The following FGD6 variants were observed in gnomAD, a reference collection of about 807,000 sequenced individuals.
The protein encoded by FGD6 is FYVE, RhoGEF and PH domain containing 6.
A neutral mutation model predicts 149.4 loss-of-function variants in FGD6; 90 were observed. The observed-to-expected ratio is 0.60, with a 90% CI of 0.51 to 0.72. FGD6 has a LOEUF of 0.72. Ranked by LOEUF, FGD6 falls within the 30% of genes least tolerant of loss-of-function variation. The probability of loss-of-function intolerance (pLI) is 0.00; values close to 1 mark genes in which losing one functional copy is unlikely to be tolerated. For missense variants in FGD6, 1,437 were observed against 1,684.8 expected (o/e 0.85, Z 2.57); for synonymous variants, 527 against 584.0 (o/e 0.90, Z 1.41).
chr12:95,139,779 G>C (rs1315894514), intron 6 of FGD6, among the ~76,000 whole-genome samples: 1 of 151,630 alleles, frequency 6.6e-6, no homozygotes, highest in Non-Finnish European at 1.5e-5. Context: ...TGGGATTACA[G>C]GCATCTGCCA....
At chr12:95,194,116 A>G (rs928073568) in intron 2 of FGD6, among the ~76,000 whole-genome samples, 15 of 151,502 alleles carry the variant, frequency 9.9e-5, no homozygotes, top group African/African-American at 3.4e-4. Flanking sequence ...GTAGAGATGG[A>G]GTCTCGCCAA....
chr12:95,095,814 G>A (rs904332565), intron 14 of FGD6, among the ~76,000 whole-genome samples: 7 of 152,146 alleles, frequency 4.6e-5, no homozygotes, highest in Non-Finnish European at 8.8e-5. Flanking sequence ...AGGAGTTCGA[G>A]ACCAGCATGG....
intron 14 of FGD6, among the ~76,000 whole-genome samples, chr12:95,096,628 T>C (rs1462465342): frequency 6.6e-6 from 1 of 152,192 alleles, no homozygotes; most frequent in Non-Finnish European, 1.5e-5. Flanking sequence ...AGCTTCCCCA[T>C]GGAATACACA....
intron 18 of FGD6, among the ~76,000 whole-genome samples, chr12:95,088,054 T>C (rs1350796066): frequency 1.3e-5 from 2 of 152,216 alleles, no homozygotes; most frequent in Non-Finnish European, 2.9e-5. Context: ...TCAAAATATA[T>C]TACATTTCTC....
intron 11 of FGD6, 81 bp downstream of exon 11, chr12:95,108,267 T>C (rs964910586): frequency 1.2e-5 from 16 of 1,288,800 alleles, no homozygotes; most frequent in Non-Finnish European, 5.4e-6. Context: ...AAACAACCTA[T>C]TTTTATAAAA....
chr12:95,185,586 G>C (rs1409720801), intron 2 of FGD6, among the ~76,000 whole-genome samples: 1 of 152,172 alleles, frequency 6.6e-6, no homozygotes, highest in Non-Finnish European at 1.5e-5. Context: ...TAATAGGCCG[G>C]GCGCAGTGGC....
chr12:95,094,278 C>T (rs545031396), intron 15 of FGD6, among the ~76,000 whole-genome samples: 6 of 152,156 alleles, frequency 3.9e-5, no homozygotes, highest in South Asian at 2.1e-4. Context: ...CTTAAAAAGA[C>T]GCCTGTGGTA....
At chr12:95,107,091 A>C in intron 12 of FGD6, 54 bp from the exon 13 acceptor site, 1 of 1,297,098 alleles carries the variant, frequency 7.7e-7, no homozygotes, top group Non-Finnish European at 1.1e-6. Context: ...TACTGCCACA[A>C]AGATTTTGAC....
intron 2 of FGD6, among the ~76,000 whole-genome samples, chr12:95,206,255 T>C (rs1393693499): frequency 6.6e-6 from 1 of 151,546 alleles, no homozygotes; most frequent in Admixed American, 6.6e-5. Flanking sequence ...GCAAGGATAG[T>C]AGTACATTGT....
chr12:95,077,742 G>C lies in FGD6; in HGVS notation c.*3778C>G, dbSNP rs1167228174. 5 of 152,244 alleles carry C rather than the reference G, an allele frequency of 3.3e-5. No homozygotes were observed. Among genetic ancestry groups the C allele is most frequent in the East Asian group, 1.9e-4 (1 of 5,198 alleles). The allele number at this position is 152,244 out of a possible 1,614,324, so 9.4% of individuals were successfully genotyped here. A position where few individuals can be genotyped will look rare whatever the true frequency, so the allele number is the denominator to read the frequency against. On this transcript the variant is annotated 3_prime_UTR_variant, in exon 21 of 21. Coordinates refer to ENST00000343958, the MANE Select transcript of FGD6 (RefSeq NM_018351.4). ...GGCAATGAGGATGGAAAGGATACTT[G>C]AGTAATTGCAGAGTCTTGTTGAGAG...
At chr12:95,134,876 G>C in intron 7 of FGD6, 50 bp from the exon 8 acceptor site, 1 of 1,501,330 alleles carries the variant, frequency 6.7e-7, no homozygotes, top group South Asian at 1.2e-5. Flanking sequence ...AAGAAGCAAG[G>C]GACCCAGATT....
intron 2 of FGD6, among the ~76,000 whole-genome samples, chr12:95,180,259 T>C (rs1881244519): frequency 6.6e-6 from 1 of 152,080 alleles, no homozygotes; most frequent in Non-Finnish European, 1.5e-5. Context: ...TGTGTGTGTG[T>C]GCACAAACAT....
At chr12:95,111,249 G>A (rs1403738183) in intron 9 of FGD6, among the ~76,000 whole-genome samples, 2 of 152,068 alleles carry the variant, frequency 1.3e-5, no homozygotes, top group African/African-American at 4.8e-5. Context: ...CCAAATTGCT[G>A]GGATTATAGG....
intron 8 of FGD6, among the ~76,000 whole-genome samples, chr12:95,127,548 G>GA (rs993074241): frequency 2.0e-5 from 3 of 151,816 alleles, no homozygotes. Flanking sequence ...CATCTCAAAA[G>GA]AAAAAAAGTC....
intron 2 of FGD6, among the ~76,000 whole-genome samples, chr12:95,184,571 C>T (rs1249002256): frequency 7.5e-6 from 1 of 133,768 alleles, no homozygotes; most frequent in Non-Finnish European, 1.5e-5. Flanking sequence ...ACATGGATTT[C>T]TTCCTGCACG....
At chr12:95,137,369 T>C (rs1043016632) in intron 7 of FGD6, among the ~76,000 whole-genome samples, 153 bp downstream of exon 7, 1 of 152,238 alleles carries the variant, frequency 6.6e-6, no homozygotes, top group Non-Finnish European at 1.5e-5. Context: ...GTTCTCACCA[T>C]TTAAATTGTT....
Position 95,211,148 on chromosome 12 carries a change from T to G in FGD6, c.136A>C (p.Lys46Gln), listed in dbSNP as rs139181168. The change falls in exon 2 of 21, where the codon AAG becomes CAG. Residue 46 changes from lysine to glutamine, a missense_variant. Lys to Gln is a moderately conservative substitution (Grantham distance 53). Transcript: ENST00000343958. ...IVISSVPQSTKKMKPAIAPKP... is the reference protein window; with the variant it reads ...IVISSVPQSTQKMKPAIAPKP... ...GGGGCTATTGCTGGTTTCATTTTCT[T>G]TGTCGACTGTGGAACACTAGAAATC... 4.8e-4 allele frequency: 775 copies of G among 1,614,222 alleles called. 4 individuals carry two copies. The African/African-American group carries it at 9.4e-3, about 20-fold the overall frequency.
chr12:95,081,865 T>A (rs1161413089), intron 20 of FGD6, among the ~76,000 whole-genome samples: 1 of 151,670 alleles, frequency 6.6e-6, no homozygotes, highest in Non-Finnish European at 1.5e-5. Flanking sequence ...AGAGACGGGG[T>A]TTTTCCATGT....
intron 7 of FGD6, 86 bp downstream of exon 7, chr12:95,137,436 C>A (rs1879699130): frequency 1.6e-6 from 2 of 1,213,626 alleles, no homozygotes; most frequent in Admixed American, 2.8e-5. Flanking sequence ...TGTTTGCAAG[C>A]TTTGTTTTCA....
Sources: allele counts gnomAD v4.1 joint callset (sites outside exome capture counted in the v4.1 genomes callset), GRCh38; gene constraint gnomAD v4.1.1; transcripts MANE v1.5; gene names NCBI Gene and HGNC (gene_info 2026-07-23, HGNC 2026-07-21).